The following BFSP2 variants were observed in gnomAD, a reference collection of about 807,000 sequenced individuals.
BFSP2 encodes phakinin.
Under a neutral mutation model 44.9 loss-of-function variants are expected in BFSP2, and 38 were observed. The ratio of observed to expected loss-of-function variants is 0.85; its 90% CI spans 0.65 to 1.11. BFSP2 has a LOEUF of 1.11. Among genes scored for constraint, BFSP2 ranks in the 50% least tolerant of loss-of-function variants. BFSP2 has a pLI of 0.00. For missense variants in BFSP2, 525 were observed against 533.0 expected (o/e 0.99, Z 0.15); for synonymous variants, 197 against 209.9 (o/e 0.94, Z 0.53).
chr3:133,420,846 C>T (rs1390117976), intron 1 of BFSP2, among the ~76,000 whole-genome samples: 2 of 152,180 alleles, frequency 1.3e-5, no homozygotes, highest in Non-Finnish European at 2.9e-5. Flanking sequence ...AATCCACACT[C>T]CTACCTGTCT....
intron 1 of BFSP2, among the ~76,000 whole-genome samples, chr3:133,439,240 T>C (rs1422131030): frequency 6.6e-6 from 1 of 152,262 alleles, no homozygotes; most frequent in African/African-American, 2.4e-5. Flanking sequence ...GGCTGTAAAA[T>C]GTGAATTCTG....
chr3:133,473,766 G>A (rs1169619534), intron 6 of BFSP2, among the ~76,000 whole-genome samples: 2 of 151,938 alleles, frequency 1.3e-5, no homozygotes, highest in Non-Finnish European at 2.9e-5. Flanking sequence ...AGAGAGCACA[G>A]GGTTGGGGGT....
At chr3:133,444,156 A>G (rs2073872170) in intron 1 of BFSP2, among the ~76,000 whole-genome samples, 1 of 152,066 alleles carries the variant, frequency 6.6e-6, no homozygotes, top group South Asian at 2.1e-4. Context: ...TCTTCATTCA[A>G]CTGCCTGTGC....
intron 1 of BFSP2, among the ~76,000 whole-genome samples, chr3:133,422,796 A>ATAGCCCAGGTGTTGCCAAATG (rs1160394463): frequency 0.79 from 118,488 of 150,432 alleles, 46,789 homozygotes; most frequent in Middle Eastern, 0.94. Context: ...GTTGCCAAAT[A>ATAGCCCAGGTGTTGCCAAATG]GCAGGGTAGG....
chr3:133,472,555 G>T lies in BFSP2; in HGVS notation c.1234G>T (p.Glu412Ter), dbSNP rs770337681. The change falls in exon 6 of 7, where the codon GAG (glutamate) becomes TAG (stop). Residue 412 changes from glutamate to a stop codon, truncating the protein, a stop_gained. Coordinates refer to ENST00000302334, the MANE Select transcript of BFSP2 (RefSeq NM_003571.4). LOFTEE classifies it high-confidence loss of function. ...GTCCTACCACGCCCTGCTGGACAGG[G>T]AGGAGAGCGGGTAAGCCTCGCTTCC... ...VASYHALLDREESG is the reference protein window; with the variant it reads ...VASYHALLDR 1 of 1,612,012 alleles carries T rather than the reference G, an allele frequency of 6.2e-7. No individual in the cohort carries two copies.
At chr3:133,402,337 A>G (rs1472655526) in intron 1 of BFSP2, among the ~76,000 whole-genome samples, 2 of 152,222 alleles carry the variant, frequency 1.3e-5, no homozygotes, top group Non-Finnish European at 2.9e-5. Context: ...CAGTTTCATT[A>G]TCTACAAAAT....
intron 1 of BFSP2, among the ~76,000 whole-genome samples, chr3:133,422,426 A>G (rs551714118): frequency 3.9e-5 from 6 of 152,192 alleles, no homozygotes; most frequent in Non-Finnish European, 7.3e-5. Context: ...ACCTGGTGCC[A>G]CTGACTCCTA....
chr3:133,471,645 T>G (rs890310970), intron 5 of BFSP2, among the ~76,000 whole-genome samples: 7 of 152,028 alleles, frequency 4.6e-5, no homozygotes, highest in Non-Finnish European at 1.0e-4. Context: ...CATGAGTATG[T>G]TCAAATCATG....
chr3:133,467,616 T>C (rs1250660603), intron 5 of BFSP2, among the ~76,000 whole-genome samples: 1 of 152,106 alleles, frequency 6.6e-6, no homozygotes, highest in Non-Finnish European at 1.5e-5. Context: ...CTTTCATTAT[T>C]AATTATTTAT....
chr3:133,446,254 C>G (rs888298453), intron 1 of BFSP2, among the ~76,000 whole-genome samples: 7 of 151,988 alleles, frequency 4.6e-5, no homozygotes, highest in African/African-American at 1.7e-4. Context: ...AACCCCATCT[C>G]TATTAAAAAT....
chr3:133,457,556 AT>A (rs200291661), intron 4 of BFSP2, among the ~76,000 whole-genome samples: 12 of 152,126 alleles, frequency 7.9e-5, no homozygotes, highest in African/African-American at 1.7e-4. Flanking sequence ...AAATATATAT[AT>A]TTTTTTTCCT....
intron 2 of BFSP2, among the ~76,000 whole-genome samples, chr3:133,447,773 G>T (rs1234567178): frequency 6.6e-6 from 1 of 152,140 alleles, no homozygotes; most frequent in East Asian, 1.9e-4. Flanking sequence ...TGATCCTGCT[G>T]GTCCTGGGAC....
intron 1 of BFSP2, among the ~76,000 whole-genome samples, chr3:133,440,109 T>G (rs903359399): frequency 6.6e-6 from 1 of 152,106 alleles, no homozygotes; most frequent in Non-Finnish European, 1.5e-5. Flanking sequence ...CAAAGGCACA[T>G]CTTACATGGT....
chr3:133,434,217 C>A (rs1576576696), intron 1 of BFSP2, among the ~76,000 whole-genome samples: 1 of 152,280 alleles, frequency 6.6e-6, no homozygotes, highest in African/African-American at 2.4e-5. Context: ...AATTCTTAGA[C>A]CTTTTATACC....
At chr3:133,420,512 T>A (rs997577790) in intron 1 of BFSP2, among the ~76,000 whole-genome samples, 2 of 152,162 alleles carry the variant, frequency 1.3e-5, no homozygotes, top group African/African-American at 4.8e-5. Flanking sequence ...TCCACCATGA[T>A]CACAGAGTGA....
intron 1 of BFSP2, among the ~76,000 whole-genome samples, chr3:133,422,043 G>C (rs928019477): frequency 3.5e-5 from 5 of 140,944 alleles, no homozygotes; most frequent in African/African-American, 1.4e-4. Context: ...GGAGGCAGAG[G>C]TTGCAGTGAG....
At chr3:133,446,885 T>C (rs1252251608) in intron 1 of BFSP2, among the ~76,000 whole-genome samples, 1 of 151,558 alleles carries the variant, frequency 6.6e-6, no homozygotes, top group Non-Finnish European at 1.5e-5. Flanking sequence ...ATTTCCACCG[T>C]CACAGGAAGC....
At chr3:133,425,060 C>T (rs200926572) in intron 1 of BFSP2, among the ~76,000 whole-genome samples, 1 of 152,150 alleles carries the variant, frequency 6.6e-6, no homozygotes, top group African/African-American at 2.4e-5. Context: ...AATACAGAAT[C>T]CTGGGTGACG....
chr3:133,460,191 C>T (rs1393737635), intron 4 of BFSP2, among the ~76,000 whole-genome samples: 1 of 152,118 alleles, frequency 6.6e-6, no homozygotes, highest in Non-Finnish European at 1.5e-5. Flanking sequence ...TCTAAGCACC[C>T]GACAGGTACG....
Sources: allele counts gnomAD v4.1 joint callset (sites outside exome capture counted in the v4.1 genomes callset), GRCh38; gene constraint gnomAD v4.1.1; transcripts MANE v1.5; gene names NCBI Gene and HGNC (gene_info 2026-07-23, HGNC 2026-07-21).